RSBN1L: variants seen among roughly 807,000 people sequenced by gnomAD.
RSBN1L encodes round spermatid basic protein 1 like, also known as lysine-specific demethylase RSBN1L.
In RSBN1L, 30 loss-of-function variants were observed where a neutral mutation model predicts 67.7. The ratio of observed to expected loss-of-function variants is 0.44; its 90% CI spans 0.33 to 0.60. The LOEUF (loss-of-function observed/expected upper bound fraction) is 0.60, where lower values mean the gene tolerates loss of function less well. RSBN1L is among the 20% of genes least tolerant of loss of function. The pLI, the probability that RSBN1L is intolerant of heterozygous loss-of-function variation, is 0.02. For missense variants in RSBN1L, 992 were observed against 1,031.7 expected (o/e 0.96, Z 0.53); for synonymous variants, 433 against 387.0 (o/e 1.12, Z -1.39).
intron 2 of RSBN1L, among the ~76,000 whole-genome samples, chr7:77,740,255 T>C (rs1284441371): frequency 6.6e-6 from 1 of 152,220 alleles, no homozygotes; most frequent in African/African-American, 2.4e-5. Flanking sequence ...CCAACTGCTT[T>C]TTCTGATTGT....
In RSBN1L at chr7:77,778,681, C is replaced by T; in HGVS notation, c.2054C>T (p.Ala685Val). 6.2e-7 allele frequency: 1 copy of T among 1,614,022 alleles called. No individual in the cohort carries two copies. The highest frequency in any genetic ancestry group is 8.5e-7 in the Non-Finnish European group (1 of 1,179,998). The change falls in exon 8 of 8, where the codon GCA (alanine) becomes GTA (valine). Residue 685 changes from alanine (A) to valine (V), a missense_variant. This residue lies in a region of RSBN1L where 55 missense variants were observed against 112.8 expected (regional missense o/e 0.49). Transcript: ENST00000334955. The part of the protein sequence containing the change: ...FKTVSAVCSL[A>V]WHIRLKLYHS... ...ACAGTTTCAGCTGTATGCAGTTTAG[C>T]ATGGCATATTCGGCTCAAATTATAT... is the stretch of plus-strand genomic sequence containing the variant.
At chr7:77,697,103 C>A (rs1301215414) in intron 1 of RSBN1L, 48 bp downstream of exon 1, 1 of 1,325,656 alleles carries the variant, frequency 7.5e-7, no homozygotes, top group Non-Finnish European at 9.6e-7. Flanking sequence ...TGGGTCCCCG[C>A]CGCCCCCTGG....
intron 2 of RSBN1L, 78 bp downstream of exon 2, chr7:77,736,604 A>ATTTCT: frequency 1.2e-6 from 1 of 801,796 alleles, no homozygotes; most frequent in Non-Finnish European, 1.8e-6. Context: ...ATAAAATAAG[A>ATTTCT]AATGTTATTT....
At chr7:77,721,560 G>A (rs1462138878) in intron 1 of RSBN1L, among the ~76,000 whole-genome samples, 2 of 152,168 alleles carry the variant, frequency 1.3e-5, no homozygotes, top group Non-Finnish European at 2.9e-5. Flanking sequence ...AAATTTCACC[G>A]TAATCTTACA....
At chr7:77,719,435 T>G (rs1429108451) in intron 1 of RSBN1L, among the ~76,000 whole-genome samples, 1 of 152,180 alleles carries the variant, frequency 6.6e-6, no homozygotes, top group Non-Finnish European at 1.5e-5. Flanking sequence ...TAATTTAAAT[T>G]GTAATAAATA....
rs545612049 is a variant in RSBN1L at position 77,722,068 on chromosome 7, T to G, written c.587-14342T>G. 2.6e-3 allele frequency among the ~76,000 whole-genome samples: 392 copies of G among 152,284 alleles called. 2 individuals are homozygous for G. The highest frequency in any genetic ancestry group is 4.2e-3 in the Non-Finnish European group (285 of 68,002). On this transcript the variant is annotated intron_variant, in intron 1 of 7. Transcript: ENST00000334955. ...TAGGGGAAAATTGAAGAAAGAAGTA[T>G]TATTAGTGTTACTGAAAATTTTTTG...
chr7:77,736,480 G>A lies in RSBN1L; in HGVS notation c.657G>A (p.Met219Ile). ...GAGAAAAAAAGAAACATAAAGTAAT[G>A]AATGAGATCAAGAAAGAGAATGGAG... ...KEREKKKHKV[M>I]NEIKKENGEV... The change falls in exon 2 of 8, where the codon ATG becomes ATA. Residue 219 changes from methionine to isoleucine, a missense_variant. Physicochemically the swap from Met to Ile is conservative, Grantham distance 10. Transcript: ENST00000334955. 8.0e-7 allele frequency: 1 copy of A among 1,249,552 alleles called. No homozygotes were observed. The allele number at this position is 1,249,552 out of a possible 1,614,324, so 77.4% of individuals were successfully genotyped here. A position where few individuals can be genotyped will look rare whatever the true frequency, so the allele number is the denominator to read the frequency against.
At chr7:77,737,098 G>T (rs533823819) in intron 2 of RSBN1L, among the ~76,000 whole-genome samples, 2 of 151,554 alleles carry the variant, frequency 1.3e-5, no homozygotes, top group Non-Finnish European at 2.9e-5. Context: ...GAATTTGGGG[G>T]GTAGGTGGTT....
chr7:77,726,534 T>G (rs1049355439), intron 1 of RSBN1L, among the ~76,000 whole-genome samples: 2 of 152,082 alleles, frequency 1.3e-5, no homozygotes, highest in African/African-American at 4.8e-5. Flanking sequence ...TTTAAAAATA[T>G]CGAAAAATTT....
rs528474632 is a variant in RSBN1L at position 77,768,349 on chromosome 7, T to C, written c.1483-312T>C. ...ATTCTTATGAGAGCACTTGCTTATT[T>C]AGTCCGTTAACATCATATGATCTAT... On this transcript the variant is annotated intron_variant, in intron 4 of 7. Coordinates refer to ENST00000334955, the MANE Select transcript of RSBN1L (RefSeq NM_198467.3). 3 of 196,128 alleles carry C rather than the reference T, an allele frequency of 1.5e-5. No homozygotes were observed. In the East Asian group the frequency reaches 3.6e-4, roughly 23 times the overall value. 12.1% of individuals were successfully genotyped at this position (196,128 alleles called of 1,614,324 possible).
In RSBN1L at chr7:77,751,433, C is replaced by T. The variant is rs1791555443; in HGVS notation, c.1344+1369C>T. Among the ~76,000 whole-genome samples the T allele has an allele frequency of 2.6e-5, 4 of 152,190 alleles. No homozygotes were observed. The South Asian group carries it at 8.3e-4, about 32-fold the overall frequency. On this transcript the variant is annotated intron_variant, in intron 3 of 7. Coordinates refer to ENST00000334955, the MANE Select transcript of RSBN1L (RefSeq NM_198467.3). ...GGGATTACAGGCGTGAGCCACCTCGCCCGGCCTGGAAAATAATTTTTAATG... is the reference window on the plus strand; with the variant it reads ...GGGATTACAGGCGTGAGCCACCTCGTCCGGCCTGGAAAATAATTTTTAATG...
intron 1 of RSBN1L, among the ~76,000 whole-genome samples, chr7:77,715,004 A>T (rs1013066750): frequency 6.7e-6 from 1 of 150,096 alleles, no homozygotes; most frequent in South Asian, 2.1e-4. Context: ...GGATGTGGTG[A>T]CTCATGCTTG....
intron 1 of RSBN1L, among the ~76,000 whole-genome samples, chr7:77,715,193 A>AC (rs1211612659): frequency 6.6e-6 from 1 of 152,080 alleles, no homozygotes; most frequent in East Asian, 1.9e-4. Context: ...AATTGCTTGA[A>AC]CCTGGGAGGC....
intron 3 of RSBN1L, among the ~76,000 whole-genome samples, chr7:77,760,882 C>T (rs1487037163): frequency 6.6e-6 from 1 of 152,194 alleles, no homozygotes. Flanking sequence ...ATGATCCTCC[C>T]GCCTTGGCCT....
intron 3 of RSBN1L, among the ~76,000 whole-genome samples, chr7:77,751,252 G>C (rs1422011018): frequency 1.3e-5 from 2 of 152,122 alleles, no homozygotes; most frequent in Non-Finnish European, 2.9e-5. Flanking sequence ...CGATTCTCCT[G>C]ATTCAGCCTC....
intron 2 of RSBN1L, among the ~76,000 whole-genome samples, chr7:77,741,430 G>A (rs1044253717): frequency 2.0e-5 from 3 of 151,774 alleles, no homozygotes; most frequent in African/African-American, 4.8e-5. Context: ...GGTGGCTCAC[G>A]CCTGTAATCC....
intron 2 of RSBN1L, among the ~76,000 whole-genome samples, chr7:77,743,063 T>TG: frequency 6.6e-6 from 1 of 151,872 alleles, no homozygotes; most frequent in East Asian, 1.9e-4. Context: ...ATGGGAATTT[T>TG]TTTTTTTCGA....
At chr7:77,724,756 A>G (rs565820009) in intron 1 of RSBN1L, among the ~76,000 whole-genome samples, 8 of 151,782 alleles carry the variant, frequency 5.3e-5, no homozygotes, top group South Asian at 4.2e-4. Context: ...GAAGTTTCAA[A>G]TAATTTAGGA....
intron 3 of RSBN1L, among the ~76,000 whole-genome samples, chr7:77,751,301 G>GCACCATGCCT (rs1791553672): frequency 6.6e-6 from 1 of 151,980 alleles, no homozygotes; most frequent in Non-Finnish European, 1.5e-5. Flanking sequence ...CACCATGCCT[G>GCACCATGCCT]GCTAATTTTT....
Sources: allele counts gnomAD v4.1 joint callset (sites outside exome capture counted in the v4.1 genomes callset), GRCh38; gene constraint gnomAD v4.1.1; regional missense constraint gnomAD v4.1.1; transcripts MANE v1.5; gene names NCBI Gene and HGNC (gene_info 2026-07-23, HGNC 2026-07-21).